PPP2R2C: variants seen among roughly 807,000 people sequenced by gnomAD.
PPP2R2C encodes the protein protein phosphatase 2, regulatory subunit B, gamma.
Under a neutral mutation model 45.3 loss-of-function variants are expected in PPP2R2C, and 10 were observed. The ratio of observed to expected loss-of-function variants is 0.22; its 90% CI spans 0.14 to 0.37. PPP2R2C has a LOEUF of 0.37. Ranked by LOEUF, PPP2R2C falls within the 10% of genes least tolerant of loss-of-function variation. PPP2R2C has a pLI of 1.00. For missense variants in PPP2R2C, 308 were observed against 619.7 expected (o/e 0.50, Z 5.34); for synonymous variants, 257 against 245.4 (o/e 1.05, Z -0.44).
intron 2 of PPP2R2C, among the ~76,000 whole-genome samples, chr4:6,507,058 G>A (rs1303230920): frequency 1.3e-5 from 2 of 152,150 alleles, no homozygotes; most frequent in Non-Finnish European, 2.9e-5. Flanking sequence ...CCTAGGTGTC[G>A]GGCCTGCAGA....
chr4:6,513,844 G>T (rs1460484788), intron 2 of PPP2R2C, among the ~76,000 whole-genome samples: 2 of 152,210 alleles, frequency 1.3e-5, no homozygotes, highest in Admixed American at 6.5e-5. Context: ...GTTTTCTCCA[G>T]TGGGGAGCAC....
At chr4:6,409,367 A>T (rs1413053378) in intron 1 of PPP2R2C, among the ~76,000 whole-genome samples, 1 of 152,122 alleles carries the variant, frequency 6.6e-6, no homozygotes, top group African/African-American at 2.4e-5. Context: ...CAGAGAGAAA[A>T]CAAGGCCCAT....
chr4:6,378,722 T>G lies in PPP2R2C; in HGVS notation c.169-150A>C. 2.3e-6 allele frequency: 2 copies of G among 862,920 alleles called. No homozygotes were observed. The allele number at this position is 862,920 out of a possible 1,614,324, so 53.5% of individuals were successfully genotyped here. A position where few individuals can be genotyped will look rare whatever the true frequency, so the allele number is the denominator to read the frequency against. ...AGGGTCAAATGAAACTCTCTGCAGC[T>G]TAACCGGCCCATGACTTGCAGTGTG... is the stretch of plus-strand genomic sequence containing the variant. On this transcript the variant is annotated intron_variant, in intron 2 of 8. Coordinates refer to ENST00000382599, the MANE Select transcript of PPP2R2C (RefSeq NM_020416.4). This position sits in a 1 kb window ranked among gnomAD's most constrained non-coding sequence, Gnocchi z 5.2.
At chr4:6,528,727 G>A (rs965621454) in intron 2 of PPP2R2C, among the ~76,000 whole-genome samples, 4 of 152,180 alleles carry the variant, frequency 2.6e-5, no homozygotes, top group East Asian at 1.9e-4. Context: ...AAAATGGCCT[G>A]TTCCTGCCTT....
chr4:6,337,112 G>GTA (rs61657951), intron 6 of PPP2R2C, among the ~76,000 whole-genome samples: 111 of 30,048 alleles, frequency 3.7e-3, no homozygotes, highest in Middle Eastern at 0.042. Flanking sequence ...ATGTGTGTGT[G>GTA]TATATATATA....
intron 1 of PPP2R2C, among the ~76,000 whole-genome samples, chr4:6,447,648 T>C (rs546874795): frequency 1.3e-4 from 19 of 151,718 alleles, no homozygotes; most frequent in Admixed American, 4.0e-4. Context: ...AGGAGGAAAC[T>C]GGCAACCACA....
intron 5 of PPP2R2C, chr4:6,350,479 A>G (rs1712443331): frequency 2.0e-6 from 2 of 985,444 alleles, no homozygotes; most frequent in Non-Finnish European, 2.4e-6. Context: ...AAGCCACAGG[A>G]GGCTTGGTGG....
chr4:6,375,091 T>C (rs553323711), intron 4 of PPP2R2C, among the ~76,000 whole-genome samples: 5 of 152,212 alleles, frequency 3.3e-5, no homozygotes, highest in Non-Finnish European at 7.4e-5. Flanking sequence ...TATCCTTCCC[T>C]CTAGATGAAA....
In PPP2R2C at chr4:6,383,894, G is replaced by A. The variant is rs866610550; in HGVS notation, c.71-2800C>T. On this transcript the variant is annotated intron_variant, in intron 1 of 8. Transcript: ENST00000382599. ...TTAGGACAGCTCCTGGCCTGCCCTG[G>A]CCTTCTGAGCCATGAGTCAATGCCA... The A allele has an allele frequency of 2.4e-5, 24 of 988,018 alleles. No homozygotes were observed. The African/African-American group carries it at 3.5e-4, about 14-fold the overall frequency. 61.2% of individuals were successfully genotyped at this position (988,018 alleles called of 1,614,324 possible).
intron 5 of PPP2R2C, among the ~76,000 whole-genome samples, chr4:6,370,667 A>G (rs1714735501): frequency 6.6e-6 from 1 of 152,204 alleles, no homozygotes; most frequent in South Asian, 2.1e-4. Flanking sequence ...CACAGAAGAC[A>G]GCAGAGGCAA....
At chr4:6,442,774 CAGCTAGCAAGGTG>C in intron 1 of PPP2R2C, among the ~76,000 whole-genome samples, 1 of 152,330 alleles carries the variant, frequency 6.6e-6, no homozygotes, top group South Asian at 2.1e-4. Context: ...CCAGGCCACA[CAGCTAGCAAGGTG>C]AGGAGTGGGG....
intron 8 of PPP2R2C, among the ~76,000 whole-genome samples, chr4:6,326,831 A>G (rs1731983419): frequency 6.6e-6 from 1 of 152,232 alleles, no homozygotes; most frequent in Admixed American, 6.5e-5. Context: ...GGCAGGGGCC[A>G]TCGGGCAGCC....
At chr4:6,489,982 A>C (rs1250315849) in intron 2 of PPP2R2C, among the ~76,000 whole-genome samples, 1 of 152,210 alleles carries the variant, frequency 6.6e-6, no homozygotes, top group East Asian at 1.9e-4. Context: ...TTTGGAAAAC[A>C]GGCAATTAAG....
chr4:6,435,924 G>A (rs1470708269), intron 1 of PPP2R2C, among the ~76,000 whole-genome samples: 4 of 152,110 alleles, frequency 2.6e-5, no homozygotes, highest in African/African-American at 9.7e-5. Context: ...GTGTCCCCCC[G>A]AAATTCATAT....
At position 6,322,571 on chromosome 4, in the gene PPP2R2C, G is replaced by A. The variant is rs1159274050; in HGVS notation, c.*731C>T. 1 of 152,194 alleles carries A rather than the reference G, an allele frequency of 6.6e-6. No homozygotes were observed. Among genetic ancestry groups the A allele is most frequent in the African/African-American group, 2.4e-5 (1 of 41,408 alleles). 9.4% of individuals were successfully genotyped at this position (152,194 alleles called of 1,614,324 possible). A position where few individuals can be genotyped will look rare whatever the true frequency, so the allele number is the denominator to read the frequency against. The stretch of plus-strand genomic sequence containing the variant: ...AGCACCACGCCTGGTACACAGCAGA[G>A]GCTCAGCAAATGGCAGGTGAATCAG... On this transcript the variant is annotated 3_prime_UTR_variant, in exon 9 of 9. Coordinates refer to ENST00000382599, the MANE Select transcript of PPP2R2C (RefSeq NM_020416.4). This position sits in a 1 kb window ranked among gnomAD's most constrained non-coding sequence, Gnocchi z 7.8.
At chr4:6,451,638 A>G (rs1039228553) in intron 1 of PPP2R2C, among the ~76,000 whole-genome samples, 2 of 152,104 alleles carry the variant, frequency 1.3e-5, no homozygotes, top group African/African-American at 4.8e-5. Context: ...ATTTACAAAG[A>G]CAAAGCATAA....
At position 6,456,316 on chromosome 4, in the gene PPP2R2C, C is replaced by G. The variant is rs908696835; in HGVS notation, c.70+15844G>C. ...AATGAAGGATGTTATTTCCCCCCCC[C>G]CCCTTTATTCTACTGTCTACACGTT... On this transcript the variant is annotated intron_variant, in intron 1 of 8. Coordinates refer to ENST00000382599, the MANE Select transcript of PPP2R2C (RefSeq NM_020416.4). Among the ~76,000 whole-genome samples the G allele has an allele frequency of 4.8e-5, 7 of 145,564 alleles. No homozygotes were observed. The South Asian group carries it at 7.2e-4, about 15-fold the overall frequency.
At chr4:6,486,832 C>T (rs184496911) in intron 2 of PPP2R2C, among the ~76,000 whole-genome samples, 1 of 152,178 alleles carries the variant, frequency 6.6e-6, no homozygotes, top group Non-Finnish European at 1.5e-5. Context: ...TAGACCATGG[C>T]TGCTCAAAGT....
intron 1 of PPP2R2C, among the ~76,000 whole-genome samples, chr4:6,408,013 T>A (rs980321398): frequency 6.6e-6 from 1 of 152,254 alleles, no homozygotes; most frequent in African/African-American, 2.4e-5. Flanking sequence ...TTTATACTAT[T>A]TTGGATATAC....
Sources: gnomAD v4.1 joint callset for allele counts (sites outside exome capture counted in the v4.1 genomes callset) on GRCh38, gnomAD v4.1.1 for gene constraint, Gnocchi (gnomAD v3.1) non-coding constraint, MANE v1.5 for transcripts, NCBI Gene and HGNC (gene_info 2026-07-23, HGNC 2026-07-21) for gene names.